The following PCSK6 variants were observed in gnomAD, a reference collection of about 807,000 sequenced individuals.
PCSK6 encodes proprotein convertase subtilisin/kexin type 6.
In PCSK6, 85 loss-of-function variants were observed where a neutral mutation model predicts 123.3. That is an observed-to-expected ratio of 0.69 (90% CI 0.58 to 0.83). PCSK6 has a LOEUF of 0.83. PCSK6 is among the 40% of genes least tolerant of loss of function. The pLI, the probability that PCSK6 is intolerant of heterozygous loss-of-function variation, is 0.00. For missense variants in PCSK6, 1,191 were observed against 1,282.3 expected (o/e 0.93, Z 1.09); for synonymous variants, 508 against 516.0 (o/e 0.98, Z 0.21).
In PCSK6 at chr15:101,307,340, C is replaced by G. The variant is rs372895816; in HGVS notation, c.2700-15G>C. On this transcript the variant is annotated splice_polypyrimidine_tract_variant and intron_variant, in intron 20 of 21. Coordinates refer to ENST00000611716, the MANE Select transcript of PCSK6 (RefSeq NM_002570.5). The stretch of plus-strand genomic sequence containing the variant: ...TCTCGTCACACCTGTGGGAAGATAC[C>G]GTTCCTGCTGAAGTCTGGGGAAGAG... 1.9e-6 allele frequency: 3 copies of G among 1,595,388 alleles called. No individual in the cohort carries two copies. The Admixed American group carries it at 5.1e-5, about 27-fold the overall frequency.
Position 101,317,062 on chromosome 15 carries a change from C to T in PCSK6, c.2569+1257G>A, listed in dbSNP as rs568143808. Among the ~76,000 whole-genome samples, 14 of 152,136 alleles carry T rather than the reference C, an allele frequency of 9.2e-5. No individual in the cohort carries two copies. The East Asian group carries it at 2.3e-3, about 25-fold the overall frequency. On this transcript the variant is annotated intron_variant, in intron 19 of 21. Transcript: ENST00000611716. ...CAGTAGCTGGGATTACAGGCGCCTGCCACCAAACCTGGCTAATTTTTGTAT... is the reference window on the plus strand; with the variant it reads ...CAGTAGCTGGGATTACAGGCGCCTGTCACCAAACCTGGCTAATTTTTGTAT...
intron 13 of PCSK6, among the ~76,000 whole-genome samples, chr15:101,363,978 A>T (rs922549780): frequency 3.9e-5 from 6 of 152,270 alleles, no homozygotes; most frequent in African/African-American, 1.4e-4. Flanking sequence ...TTAAAACCAG[A>T]AAGAATACAA....
chr15:101,307,632 C>T, intron 20 of PCSK6: 1 of 317,002 alleles, frequency 3.2e-6, no homozygotes, highest in Non-Finnish European at 6.1e-6. Context: ...CCTCCTGGGC[C>T]CTGGCACCCA....
intron 8 of PCSK6, among the ~76,000 whole-genome samples, chr15:101,391,741 C>T (rs2042240166): frequency 6.6e-6 from 1 of 152,124 alleles, no homozygotes; most frequent in Non-Finnish European, 1.5e-5. Context: ...CACTCGTCTC[C>T]CTGGAGGACG....
intron 2 of PCSK6, among the ~76,000 whole-genome samples, chr15:101,436,407 G>A (rs1189748805): frequency 1.3e-5 from 2 of 152,216 alleles, no homozygotes; most frequent in East Asian, 1.9e-4. Flanking sequence ...TGTAGCCAAC[G>A]CAAGGGAGAC....
At position 101,377,934 on chromosome 15, in the gene PCSK6, G is replaced by A. The variant is rs185340597; in HGVS notation, c.1532+4158C>T. Among the ~76,000 whole-genome samples, 36 of 152,276 alleles carry A rather than the reference G, an allele frequency of 2.4e-4. 1 individual carries two copies. The East Asian group carries it at 3.5e-3, about 15-fold the overall frequency. ...ACTAAAGACGTGCAGGTAAGTTATC[G>A]CTTTGTGTTGGTTTAAAAGACCCTG... On this transcript the variant is annotated intron_variant, in intron 11 of 21. Transcript: ENST00000611716.
At chr15:101,413,910 A>G (rs1407443244) in intron 6 of PCSK6, among the ~76,000 whole-genome samples, 1 of 152,230 alleles carries the variant, frequency 6.6e-6, no homozygotes, top group Non-Finnish European at 1.5e-5. Flanking sequence ...AATAAATTTT[A>G]AAAAATGGCC....
chr15:101,444,566 T>A (rs1364897332), intron 1 of PCSK6, among the ~76,000 whole-genome samples: 1 of 152,174 alleles, frequency 6.6e-6, no homozygotes, highest in East Asian at 1.9e-4. Context: ...CTACAGCAGT[T>A]CTATATGATG....
chr15:101,424,846 C>T (rs2056200672), intron 6 of PCSK6, among the ~76,000 whole-genome samples: 3 of 152,178 alleles, frequency 2.0e-5, no homozygotes, highest in South Asian at 2.1e-4. Context: ...TGCATGATAA[C>T]AGGGATATTT....
In PCSK6 at chr15:101,489,360, C is replaced by T. The variant is rs774162818; in HGVS notation, c.297+14G>A. ...CCGGGAAAGTTTTGGGCGCGCGGGG[C>T]CGGCCGCACTCACCTGGCCCAAGTT... On this transcript the variant is annotated intron_variant, in intron 1 of 21. Transcript: ENST00000611716. The T allele has an allele frequency of 4.3e-6, 5 of 1,157,202 alleles. No homozygotes were observed. In the African/African-American group the frequency reaches 5.1e-5, roughly 12 times the overall value. The allele number at this position is 1,157,202 out of a possible 1,614,324, so 71.7% of individuals were successfully genotyped here.
intron 12 of PCSK6, among the ~76,000 whole-genome samples, chr15:101,368,583 C>T (rs2041472296): frequency 1.3e-5 from 2 of 152,210 alleles, no homozygotes; most frequent in South Asian, 4.1e-4. Flanking sequence ...GCCTCTCAGC[C>T]TCACCACAGG....
intron 13 of PCSK6, among the ~76,000 whole-genome samples, chr15:101,353,606 C>A (rs564915213): frequency 6.6e-6 from 1 of 152,324 alleles, no homozygotes; most frequent in African/African-American, 2.4e-5. Flanking sequence ...CAGAGGCTCC[C>A]AGCTTTTAAT....
chr15:101,330,790 T>G (rs2040357035), intron 15 of PCSK6, among the ~76,000 whole-genome samples: 1 of 152,238 alleles, frequency 6.6e-6, no homozygotes, highest in African/African-American at 2.4e-5. Context: ...CTTGCCACAG[T>G]TTATAAATCA....
At chr15:101,339,910 A>AATATATATAT (rs113117643) in intron 13 of PCSK6, among the ~76,000 whole-genome samples, 8 of 146,994 alleles carry the variant, frequency 5.4e-5, no homozygotes, top group South Asian at 2.2e-4. Context: ...ACCCTTTCTC[A>AATATATATAT]ATATATATAT....
rs886600128 is a variant in PCSK6 at position 101,318,482 on chromosome 15, C to T, written c.2466-60G>A. 4 of 1,319,064 alleles carry T rather than the reference C, an allele frequency of 3.0e-6. No individual in the cohort carries two copies. The East Asian group carries it at 1.0e-4, about 33-fold the overall frequency. 81.7% of individuals were successfully genotyped at this position (1,319,064 alleles called of 1,614,324 possible). ...TTCCAAAAGTCTAATTATGACTTGC[C>T]CTCTAGCACCTTTCCCAAGAGGAGA... is the stretch of plus-strand genomic sequence containing the variant. On this transcript the variant is annotated intron_variant, in intron 18 of 21. Coordinates refer to ENST00000611716, the MANE Select transcript of PCSK6 (RefSeq NM_002570.5).
rs12593081 is a variant in PCSK6, at chr15:101,348,490, C to T, written c.1859-16459G>A. ...TCTTCCAAAGGTATAGCAGCACCTTCGTGAGACACCGTCACAGCACAAGGC... is the reference window on the plus strand; with the variant it reads ...TCTTCCAAAGGTATAGCAGCACCTTTGTGAGACACCGTCACAGCACAAGGC... On this transcript the variant is annotated intron_variant, in intron 13 of 21. Coordinates refer to ENST00000611716, the MANE Select transcript of PCSK6 (RefSeq NM_002570.5). Among the ~76,000 whole-genome samples the T allele has an allele frequency of 0.012, 1,835 of 152,336 alleles. 97 individuals carry two copies. The East Asian group carries it at 0.15, about 13-fold the overall frequency.
chr15:101,421,851 A>G (rs1258718479), intron 6 of PCSK6, among the ~76,000 whole-genome samples: 1 of 152,236 alleles, frequency 6.6e-6, no homozygotes, highest in Non-Finnish European at 1.5e-5. Context: ...TAGATAACTA[A>G]TACACAATCT....
chr15:101,422,644 G>C (rs1288210486), intron 6 of PCSK6, among the ~76,000 whole-genome samples: 1 of 150,524 alleles, frequency 6.6e-6, no homozygotes. Flanking sequence ...TTTTTGAGAC[G>C]GAGTCTCGCT....
chr15:101,366,123 G>C (rs955939896), intron 13 of PCSK6, 73 bp downstream of exon 13: 1 of 1,448,508 alleles, frequency 6.9e-7, no homozygotes, highest in African/African-American at 1.4e-5. Flanking sequence ...AGACTCCGTA[G>C]TTAAATAAGG....
Sources: gnomAD v4.1 joint callset for allele counts (sites outside exome capture counted in the v4.1 genomes callset) on GRCh38, gnomAD v4.1.1 for gene constraint, MANE v1.5 for transcripts, NCBI Gene and HGNC (gene_info 2026-07-23, HGNC 2026-07-21) for gene names.